Variants in KCND3 observed in about 807,000 individuals in gnomAD.
KCND3 encodes the protein potassium voltage-gated channel subfamily D member 3.
KCND3 carries 9 observed loss-of-function variants against 51.1 expected under a neutral mutation model. The ratio of observed to expected loss-of-function variants is 0.18; its 90% confidence interval spans 0.11 to 0.31. KCND3 has a LOEUF of 0.31. Among genes scored for constraint, KCND3 ranks in the 10% least tolerant of loss-of-function variants. KCND3 has a pLI of 1.00. For synonymous variants in KCND3, 349 were observed against 368.0 expected (o/e 0.95, Z 0.59); for missense variants, 526 against 903.8 (o/e 0.58, Z 5.36).
At chr1:111,844,061 T>G (rs933169640) in intron 2 of KCND3, among the ~76,000 whole-genome samples, 7 of 151,764 alleles carry the variant, frequency 4.6e-5, no homozygotes, top group Non-Finnish European at 8.8e-5. Flanking sequence ...GAGGAAGAGG[T>G]GAGGTGCACA....
At chr1:111,909,113 TTCTC>T (rs1461758102) in intron 2 of KCND3, among the ~76,000 whole-genome samples, 1 of 152,032 alleles carries the variant, frequency 6.6e-6, no homozygotes, top group Non-Finnish European at 1.5e-5. Context: ...GGGTCTATGT[TTCTC>T]TCATCTTCTC....
At chr1:111,971,201 T>A (rs1272696972) in intron 2 of KCND3, among the ~76,000 whole-genome samples, 4 of 151,830 alleles carry the variant, frequency 2.6e-5, no homozygotes, top group Admixed American at 2.0e-4. Context: ...CATGCCAATG[T>A]AAGGGTCCCT....
intron 2 of KCND3, among the ~76,000 whole-genome samples, chr1:111,814,662 C>G (rs886731338): frequency 6.6e-6 from 1 of 152,214 alleles, no homozygotes; most frequent in Non-Finnish European, 1.5e-5. Context: ...ACCAAAGAAA[C>G]CCCTATTGCT....
chr1:111,815,695 C>T (rs1263934559), intron 2 of KCND3, among the ~76,000 whole-genome samples: 2 of 151,676 alleles, frequency 1.3e-5, no homozygotes, highest in Non-Finnish European at 2.9e-5. Flanking sequence ...AGAACTGAGC[C>T]CAGTTCTATA....
chr1:111,788,914 C>T (rs955266333), intron 2 of KCND3, among the ~76,000 whole-genome samples: 2 of 152,322 alleles, frequency 1.3e-5, no homozygotes, highest in Admixed American at 6.5e-5. Flanking sequence ...GATACTATTA[C>T]TTTTAGCTAG....
At chr1:111,861,692 T>C (rs1451738530) in intron 2 of KCND3, among the ~76,000 whole-genome samples, 1 of 151,820 alleles carries the variant, frequency 6.6e-6, no homozygotes, top group Non-Finnish European at 1.5e-5. Flanking sequence ...AGAGCAGGGG[T>C]GGAGGTGCAG....
At chr1:111,886,377 G>T (rs150992648) in intron 2 of KCND3, among the ~76,000 whole-genome samples, 1 of 152,206 alleles carries the variant, frequency 6.6e-6, no homozygotes, top group African/African-American at 2.4e-5. Context: ...AAAGAACAGT[G>T]ACCTAGATGG....
At chr1:111,833,200 C>A (rs926716194) in intron 2 of KCND3, among the ~76,000 whole-genome samples, 2 of 152,254 alleles carry the variant, frequency 1.3e-5, no homozygotes, top group African/African-American at 4.8e-5. Context: ...CACTGCTCTG[C>A]AGAGGTGTCA....
At chr1:111,860,688 T>G (rs1455008608) in intron 2 of KCND3, among the ~76,000 whole-genome samples, 1 of 152,220 alleles carries the variant, frequency 6.6e-6, no homozygotes, top group Non-Finnish European at 1.5e-5. Flanking sequence ...TGCGATTATG[T>G]CTGCCTCAGC....
intron 2 of KCND3, among the ~76,000 whole-genome samples, chr1:111,831,196 C>T (rs890390939): frequency 3.9e-5 from 6 of 152,178 alleles, no homozygotes; most frequent in African/African-American, 1.4e-4. Context: ...AACTCTTGTC[C>T]TGAATGCCTT....
chr1:111,892,806 C>A (rs1052132479), intron 2 of KCND3, among the ~76,000 whole-genome samples: 1 of 152,190 alleles, frequency 6.6e-6, no homozygotes, highest in Non-Finnish European at 1.5e-5. Flanking sequence ...TAACTATCTA[C>A]TGAACCAATT....
At chr1:111,932,345 C>T (rs1031020315) in intron 2 of KCND3, among the ~76,000 whole-genome samples, 1 of 152,190 alleles carries the variant, frequency 6.6e-6, no homozygotes, top group African/African-American at 2.4e-5. Context: ...CCAGCTCCAC[C>T]CTCTTCACTT....
intron 2 of KCND3, among the ~76,000 whole-genome samples, chr1:111,936,992 G>C (rs1016155170): frequency 2.6e-5 from 4 of 152,202 alleles, no homozygotes; most frequent in African/African-American, 4.8e-5. Context: ...CCAGTTGCAA[G>C]GCTAGTGGAA....
chr1:111,945,229 T>TG (rs1459225774), intron 2 of KCND3, among the ~76,000 whole-genome samples: 3 of 152,242 alleles, frequency 2.0e-5, no homozygotes, highest in African/African-American at 7.2e-5. Context: ...TTGCCTCTGA[T>TG]GCCCTTGTTC....
At chr1:111,950,694 C>A (rs573374710) in intron 2 of KCND3, among the ~76,000 whole-genome samples, 1 of 152,236 alleles carries the variant, frequency 6.6e-6, no homozygotes, top group Non-Finnish European at 1.5e-5. Context: ...AGGAGGAGGG[C>A]CTGGTCAGGG....
Position 111,780,620 on chromosome 1 carries a change from G to T in KCND3, c.1371+70C>A. 7.6e-7 allele frequency: 1 copy of T among 1,319,650 alleles called. No individual in the cohort carries two copies. Among genetic ancestry groups the T allele is most frequent in the Non-Finnish European group, 1.1e-6 (1 of 934,150 alleles). 81.7% of individuals were successfully genotyped at this position (1,319,650 alleles called of 1,614,324 possible). ...CTGGGGCTCTGGTGAGAGTGCTGGT[G>T]TCCCGGGAAAGAGAAAACAAGCCCA... On this transcript the variant is annotated intron_variant, in intron 4 of 7. Coordinates refer to ENST00000302127, the MANE Select transcript of KCND3 (RefSeq NM_001378969.1). This position sits in a 1 kb window ranked among gnomAD's most constrained non-coding sequence, Gnocchi z 4.2.
chr1:111,850,374 C>G (rs1667757830), intron 2 of KCND3, among the ~76,000 whole-genome samples: 1 of 152,198 alleles, frequency 6.6e-6, no homozygotes, highest in African/African-American at 2.4e-5. Flanking sequence ...GCTCCTGAGC[C>G]TCTACCCCCT....
chr1:111,924,806 T>A (rs1156978734), intron 2 of KCND3, among the ~76,000 whole-genome samples: 1 of 152,244 alleles, frequency 6.6e-6, no homozygotes, highest in Non-Finnish European at 1.5e-5. Context: ...GAAAACATAT[T>A]GCTTCTGGCT....
intron 2 of KCND3, among the ~76,000 whole-genome samples, chr1:111,886,907 G>A (rs1238035581): frequency 6.6e-6 from 1 of 152,194 alleles, no homozygotes; most frequent in Admixed American, 6.5e-5. Flanking sequence ...TATTAACAGA[G>A]GGGTAAACAC....
Sources: gnomAD v4.1 joint callset for allele counts (sites outside exome capture counted in the v4.1 genomes callset) on GRCh38, gnomAD v4.1.1 for gene constraint, Gnocchi (gnomAD v3.1) non-coding constraint, MANE v1.5 for transcripts, NCBI Gene and HGNC (gene_info 2026-07-23, HGNC 2026-07-21) for gene names.